NFIA: variants seen among roughly 807,000 people sequenced by gnomAD.
NFIA encodes nuclear factor I A, also known as nuclear factor 1 A-type.
Under a neutral mutation model 62.8 loss-of-function variants are expected in NFIA, and 8 were observed. That is an observed-to-expected ratio of 0.13 (90% CI 0.07 to 0.23). NFIA has a LOEUF of 0.23. Ranked by LOEUF, NFIA falls within the 10% of genes least tolerant of loss-of-function variation. The pLI is 1.00. For synonymous variants in NFIA, 235 were observed against 238.1 expected, an observed-to-expected ratio of 0.99 and a Z score of 0.12; for missense variants, 410 against 642.1, an observed-to-expected ratio of 0.64 and a Z score of 3.91.
chr1:61,310,191 A>C (rs1660023900), intron 3 of NFIA, among the ~76,000 whole-genome samples: 1 of 151,986 alleles, frequency 6.6e-6, no homozygotes, highest in Non-Finnish European at 1.5e-5. Context: ...GCCGATGGCC[A>C]CATTTTCTGC....
At position 61,319,260 on chromosome 1, in the gene NFIA, T is replaced by C. The variant is rs557344206; in HGVS notation, c.626-13252T>C. 2.6e-5 allele frequency among the ~76,000 whole-genome samples: 4 copies of C among 152,268 alleles called. 1 individual carries two copies. The highest frequency in any genetic ancestry group is 9.6e-5 in the African/African-American group (4 of 41,558). ...TGTTTGGCAAACTACACCTAAAGAC[T>C]TCACTAAAAAATTGGTAAAATATAT... On this transcript the variant is annotated intron_variant, in intron 3 of 10. Coordinates refer to ENST00000403491, the MANE Select transcript of NFIA (RefSeq NM_001134673.4).
chr1:61,127,343 G>A (rs1366719756), intron 2 of NFIA, among the ~76,000 whole-genome samples: 1 of 151,040 alleles, frequency 6.6e-6, no homozygotes, highest in Non-Finnish European at 1.5e-5. Context: ...CATAGCCCCA[G>A]CTACTTGGAA....
chr1:61,131,204 C>T (rs1647067355), intron 2 of NFIA, among the ~76,000 whole-genome samples: 1 of 150,242 alleles, frequency 6.7e-6, no homozygotes, highest in African/African-American at 2.5e-5. Context: ...TACACCTCAC[C>T]CTCTTCTTCA....
intron 10 of NFIA, among the ~76,000 whole-genome samples, chr1:61,431,744 C>T (rs1391477326): frequency 6.6e-6 from 1 of 152,218 alleles, no homozygotes; most frequent in Non-Finnish European, 1.5e-5. Flanking sequence ...ATGGGCATGA[C>T]ACCCGTTGTC....
intron 2 of NFIA, among the ~76,000 whole-genome samples, chr1:61,186,309 A>G (rs866374787): frequency 6.7e-6 from 1 of 149,388 alleles, no homozygotes; most frequent in Non-Finnish European, 1.5e-5. Flanking sequence ...TGAGATGTAA[A>G]AACACTTTCT....
intron 2 of NFIA, among the ~76,000 whole-genome samples, chr1:61,198,724 C>T (rs879401750): frequency 3.9e-5 from 6 of 152,278 alleles, no homozygotes; most frequent in East Asian, 3.9e-4. Flanking sequence ...TAGCACCTAG[C>T]GCACAAGCAG....
At chr1:61,146,786 C>T (rs978058413) in intron 2 of NFIA, among the ~76,000 whole-genome samples, 4 of 152,238 alleles carry the variant, frequency 2.6e-5, no homozygotes, top group South Asian at 2.1e-4. Context: ...ACACAGAAGA[C>T]GTGTGTAAAG....
chr1:61,393,170 C>A (rs991992174), intron 7 of NFIA, among the ~76,000 whole-genome samples: 28 of 76,680 alleles, frequency 3.7e-4, no homozygotes, highest in African/African-American at 2.4e-3. Flanking sequence ...CTTTTTTCAG[C>A]ATAGAATAAA....
At chr1:61,177,103 C>T (rs972120951) in intron 2 of NFIA, among the ~76,000 whole-genome samples, 7 of 151,006 alleles carry the variant, frequency 4.6e-5, no homozygotes, top group Admixed American at 4.6e-4. Context: ...GAGACTCTGT[C>T]TCAACCAAAA....
chr1:61,277,844 C>T (rs1177060446), intron 3 of NFIA, among the ~76,000 whole-genome samples: 3 of 152,142 alleles, frequency 2.0e-5, no homozygotes, highest in Non-Finnish European at 4.4e-5. Flanking sequence ...ACGTTGATTA[C>T]CCAATTAAAC....
chr1:61,123,308 C>T (rs1646917628), intron 2 of NFIA, among the ~76,000 whole-genome samples: 2 of 138,858 alleles, frequency 1.4e-5, no homozygotes, highest in East Asian at 2.2e-4. Context: ...TGTAATAGTG[C>T]AGAGGGTACA....
chr1:61,161,586 A>AGCACAC (rs112544480), intron 2 of NFIA, among the ~76,000 whole-genome samples: 1 of 149,360 alleles, frequency 6.7e-6, no homozygotes, highest in Non-Finnish European at 1.5e-5. Flanking sequence ...CGCCATGTGC[A>AGCACAC]ACACACACAC....
At position 61,447,640 on chromosome 1, in the gene NFIA, C is replaced by T. The variant is rs185793469; in HGVS notation, c.1513-7663C>T. Among the ~76,000 whole-genome samples the T allele has an allele frequency of 3.3e-3, 509 of 152,270 alleles. 3 individuals are homozygous for T. Among genetic ancestry groups the T allele is most frequent in the Admixed American group, 5.8e-3 (89 of 15,298 alleles). The stretch of plus-strand genomic sequence containing the variant: ...CGGGTCATTGTCCCCTTAATCTCCA[C>T]GCTGCACCTCAGATCTCAAGCAGCT... On this transcript the variant is annotated intron_variant, in intron 10 of 10. Transcript: ENST00000403491.
chr1:61,157,992 C>T (rs1018858718), intron 2 of NFIA, among the ~76,000 whole-genome samples: 6 of 152,240 alleles, frequency 3.9e-5, no homozygotes, highest in Non-Finnish European at 7.4e-5. Context: ...ACATGAATCC[C>T]CAGGTTTCAG....
At chr1:61,114,958 A>G (rs1235626271) in intron 2 of NFIA, among the ~76,000 whole-genome samples, 1 of 152,080 alleles carries the variant, frequency 6.6e-6, no homozygotes, top group East Asian at 1.9e-4. Flanking sequence ...GAATATATAT[A>G]TATTTGTTGT....
chr1:61,254,013 G>T (rs2184016), intron 2 of NFIA, among the ~76,000 whole-genome samples: 3,426 of 152,196 alleles, frequency 0.023, 78 homozygotes, highest in East Asian at 0.13. Context: ...ACTGGTGGTG[G>T]TGGTGTTTTA....
At chr1:61,384,360 G>A (rs1231380201) in intron 7 of NFIA, among the ~76,000 whole-genome samples, 1 of 152,174 alleles carries the variant, frequency 6.6e-6, no homozygotes, top group East Asian at 1.9e-4. Context: ...AGGTAAGAGG[G>A]CTGTCCGGTG....
At chr1:61,367,011 G>A (rs924835409) in intron 6 of NFIA, among the ~76,000 whole-genome samples, 4 of 152,140 alleles carry the variant, frequency 2.6e-5, no homozygotes, top group African/African-American at 9.7e-5. Context: ...TTGTTTAAAG[G>A]CATCTGTCAA....
chr1:61,150,863 G>GGT (rs1648352454), intron 2 of NFIA, among the ~76,000 whole-genome samples: 1 of 152,138 alleles, frequency 6.6e-6, no homozygotes, highest in Non-Finnish European at 1.5e-5. Flanking sequence ...TAGTAAGAAT[G>GGT]GGGAGGGAGG....
Sources: gnomAD v4.1 joint callset for allele counts (sites outside exome capture counted in the v4.1 genomes callset) on GRCh38, gnomAD v4.1.1 for gene constraint, MANE v1.5 for transcripts, NCBI Gene and HGNC (gene_info 2026-07-23, HGNC 2026-07-21) for gene names.